The following FMNL3 variants were observed in gnomAD, a reference collection of about 807,000 sequenced individuals.
The protein encoded by FMNL3 is formin-like protein 3.
A neutral mutation model predicts 119.6 loss-of-function variants in FMNL3; 57 were observed. The ratio of observed to expected loss-of-function variants is 0.48; its 90% CI spans 0.39 to 0.59. The LOEUF (loss-of-function observed/expected upper bound fraction) is 0.59. Ranked by LOEUF, FMNL3 falls within the 20% of genes least tolerant of loss-of-function variation. FMNL3 has a pLI of 0.00. For synonymous variants in FMNL3, 491 were observed against 507.3 expected (o/e 0.97, Z 0.43); for missense variants, 1,053 against 1,323.5 (o/e 0.80, Z 3.17).
rs200294583 is a variant in FMNL3 at position 49,707,142 on chromosome 12, C to A, written c.39G>T (p.Glu13Asp). Residue 13 changes from glutamate (E) to aspartate (D), a missense_variant, in exon 1 of 26, where the codon GAG becomes GAT. Glu to Asp is a conservative substitution (Grantham distance 45). This residue lies in a region of FMNL3 where 264 missense variants were observed against 265.5 expected (regional missense o/e 0.99). Transcript: ENST00000335154. ...GCAGCAACAACGGGACAGAGGGGGG[C>A]TCTCCCGGGACCCCCTCGGCGCTCT... ...NLESAEGVPG[E>D]PPSVPLLLPP... is the part of the protein sequence containing the mutation. 3,279 of 1,597,462 alleles carry A rather than the reference C, an allele frequency of 2.1e-3. 33 individuals are homozygous for A. The highest frequency in any genetic ancestry group is 0.012 in the South Asian group (1,062 of 89,214).
Sources: gnomAD v4.1 joint callset for allele counts on GRCh38, gnomAD v4.1.1 for gene constraint, gnomAD v4.1.1 regional missense constraint, MANE v1.5 for transcripts, NCBI Gene and HGNC (gene_info 2026-07-23, HGNC 2026-07-21) for gene names.